Variants in PPARGC1A observed in about 807,000 individuals in gnomAD.
PPARGC1A encodes the protein PPARG coactivator 1 alpha.
PPARGC1A carries 25 observed loss-of-function variants against 88.7 expected under a neutral mutation model. The observed-to-expected ratio is 0.28, with a 90% CI of 0.21 to 0.39. The LOEUF is 0.39. Among genes scored for constraint, PPARGC1A ranks in the 10% least tolerant of loss-of-function variants. PPARGC1A has a pLI of 1.00. For missense variants in PPARGC1A, 880 were observed against 968.7 expected, an observed-to-expected ratio of 0.91 and a Z score of 1.22; for synonymous variants, 363 against 355.6, an observed-to-expected ratio of 1.02 and a Z score of -0.24.
At chr4:24,132,686 T>G in the PPARGC1A span, among the ~76,000 whole-genome samples, 1 of 152,236 alleles carries the variant, frequency 6.6e-6, no homozygotes, top group Non-Finnish European at 1.5e-5. Context: ...TTCCTGCGAT[T>G]TAAAGATTGA....
At chr4:24,229,952 G>A in the PPARGC1A span, among the ~76,000 whole-genome samples, 1 of 151,974 alleles carries the variant, frequency 6.6e-6, no homozygotes, top group Non-Finnish European at 1.5e-5. Context: ...CATGGTCGCT[G>A]AAGGCATTTT....
the PPARGC1A span, among the ~76,000 whole-genome samples, chr4:24,057,824 C>G: frequency 1.3e-5 from 2 of 152,160 alleles, no homozygotes; most frequent in Non-Finnish European, 2.9e-5. Flanking sequence ...GTGGTGGTGG[C>G]GAGACACAGC....
the PPARGC1A span, among the ~76,000 whole-genome samples, chr4:24,412,640 C>T: frequency 2.4e-4 from 37 of 152,224 alleles, no homozygotes; most frequent in East Asian, 5.8e-3. Context: ...ACCATCATGG[C>T]CAGCTAATTT....
At chr4:24,389,135 A>C in the PPARGC1A span, among the ~76,000 whole-genome samples, 1 of 152,116 alleles carries the variant, frequency 6.6e-6, no homozygotes, top group African/African-American at 2.4e-5. Context: ...TAAAATAAAC[A>C]ATTTTATTTT....
the PPARGC1A span, among the ~76,000 whole-genome samples, chr4:24,159,205 C>CGTT: frequency 2.8e-5 from 4 of 143,556 alleles, no homozygotes; most frequent in African/African-American, 1.1e-4. Flanking sequence ...AGGAAATTAA[C>CGTT]CTTTTTTTTT....
intron 2 of PPARGC1A, among the ~76,000 whole-genome samples, chr4:23,845,522 G>A (rs545159277): frequency 2.6e-5 from 4 of 152,240 alleles, no homozygotes; most frequent in Non-Finnish European, 4.4e-5. Context: ...ATTGTCTCAA[G>A]GTGGTTGGAA....
At chr4:24,336,025 C>G in the PPARGC1A span, among the ~76,000 whole-genome samples, 1 of 152,136 alleles carries the variant, frequency 6.6e-6, no homozygotes, top group Non-Finnish European at 1.5e-5. Flanking sequence ...AGTTGTCTTT[C>G]TCTTCTATTT....
the PPARGC1A span, among the ~76,000 whole-genome samples, chr4:24,321,621 C>T: frequency 2.0e-5 from 3 of 152,320 alleles, no homozygotes; most frequent in Admixed American, 6.5e-5. Context: ...GAGATGTTTA[C>T]GGATGGATAA....
At chr4:23,859,015 T>C (rs1730720137) in intron 2 of PPARGC1A, among the ~76,000 whole-genome samples, 1 of 150,114 alleles carries the variant, frequency 6.7e-6, no homozygotes, top group African/African-American at 2.4e-5. Flanking sequence ...TAAATTTATA[T>C]AATACAAATA....
At chr4:24,143,744 GA>G in the PPARGC1A span, among the ~76,000 whole-genome samples, 1 of 152,146 alleles carries the variant, frequency 6.6e-6, no homozygotes, top group Non-Finnish European at 1.5e-5. Context: ...GCAAAAAACT[GA>G]GCTAGGAATA....
the PPARGC1A span, among the ~76,000 whole-genome samples, chr4:24,249,977 A>C: frequency 6.6e-6 from 1 of 152,236 alleles, no homozygotes; most frequent in Non-Finnish European, 1.5e-5. Context: ...GCAGAAGTTC[A>C]TTTATTGAAT....
chr4:24,245,936 C>T, the PPARGC1A span, among the ~76,000 whole-genome samples: 8,172 of 151,064 alleles, frequency 0.054, 295 homozygotes, highest in East Asian at 0.16. Context: ...CACACACACA[C>T]ACACACACAC....
intron 10 of PPARGC1A, among the ~76,000 whole-genome samples, chr4:23,802,879 T>C (rs2109355015): frequency 6.6e-6 from 1 of 152,238 alleles, no homozygotes; most frequent in South Asian, 2.1e-4. Flanking sequence ...TCTCTTCACC[T>C]CTACTCTTTT....
chr4:23,820,957 G>C (rs6824880), intron 7 of PPARGC1A, among the ~76,000 whole-genome samples: 25 of 152,066 alleles, frequency 1.6e-4, no homozygotes, highest in African/African-American at 6.0e-4. Context: ...TGTAGACCAA[G>C]GATCAACAAA....
At chr4:24,187,129 G>C in the PPARGC1A span, among the ~76,000 whole-genome samples, 2 of 152,150 alleles carry the variant, frequency 1.3e-5, no homozygotes, top group African/African-American at 2.4e-5. Context: ...GTGTCACTTG[G>C]CATCTGCAAA....
chr4:24,241,115 C>T, the PPARGC1A span, among the ~76,000 whole-genome samples: 1 of 152,010 alleles, frequency 6.6e-6, no homozygotes, highest in African/African-American at 2.4e-5. Flanking sequence ...TCTCTCCTGC[C>T]CTGGATTTTA....
chr4:24,032,391 C>T, the PPARGC1A span, among the ~76,000 whole-genome samples: 1 of 152,160 alleles, frequency 6.6e-6, no homozygotes, highest in East Asian at 1.9e-4. Flanking sequence ...CTTGCCTTTC[C>T]ACTCTGTCAT....
the PPARGC1A span, among the ~76,000 whole-genome samples, chr4:24,002,772 C>A: frequency 6.6e-6 from 1 of 152,244 alleles, no homozygotes; most frequent in African/African-American, 2.4e-5. Context: ...TTAAATGCCA[C>A]TGTTTCACTG....
the PPARGC1A span, among the ~76,000 whole-genome samples, chr4:24,227,729 C>T: frequency 1.2e-4 from 18 of 152,166 alleles, no homozygotes; most frequent in Non-Finnish European, 2.4e-4. Context: ...CTCCAAACCC[C>T]AGCCTGAGCC....
Sources: gnomAD v4.1 joint callset for allele counts (sites outside exome capture counted in the v4.1 genomes callset) on GRCh38, gnomAD v4.1.1 for gene constraint, MANE v1.5 for transcripts, NCBI Gene and HGNC (gene_info 2026-07-23, HGNC 2026-07-21) for gene names.